Variants in PPM1H observed in about 807,000 individuals in gnomAD.
PPM1H encodes protein phosphatase 1H.
In PPM1H, 27 loss-of-function variants were observed where a neutral mutation model predicts 54.9. The ratio of observed to expected loss-of-function variants is 0.49; its 90% CI spans 0.36 to 0.68. The LOEUF (loss-of-function observed/expected upper bound fraction) is 0.68. Ranked by LOEUF, PPM1H falls within the 30% of genes least tolerant of loss-of-function variation. PPM1H has a pLI of 0.00. For missense variants in PPM1H, 596 were observed against 667.8 expected, an observed-to-expected ratio of 0.89 and a Z score of 1.19; for synonymous variants, 305 against 270.8, an observed-to-expected ratio of 1.13 and a Z score of -1.24.
intron 2 of PPM1H, among the ~76,000 whole-genome samples, chr12:62,817,152 T>C (rs77269945): frequency 1.5e-3 from 94 of 62,974 alleles, no homozygotes; most frequent in Admixed American, 2.2e-3. Context: ...AAAAAAAAAC[T>C]AAAAAAAAGA....
In PPM1H at chr12:62,881,797, T is replaced by G. The variant is rs370587450; in HGVS notation, c.246-49518A>C. Among the ~76,000 whole-genome samples, 76 of 152,298 alleles carry G rather than the reference T, an allele frequency of 5.0e-4. No individual in the cohort carries two copies. The East Asian group carries it at 5.4e-3, about 11-fold the overall frequency. ...TCCAGAAACAGGGTCAATGCCTTAG[T>G]TCCAGCTGCCATCGCTTGCTTGGCA... On this transcript the variant is annotated intron_variant, in intron 1 of 9. Transcript: ENST00000228705.
At chr12:62,666,242 TA>T (rs1361584430) in intron 9 of PPM1H, among the ~76,000 whole-genome samples, 1 of 152,152 alleles carries the variant, frequency 6.6e-6, no homozygotes, top group Non-Finnish European at 1.5e-5. Context: ...TATGCCCAGC[TA>T]AAAATATTTA....
chr12:62,912,871 T>G (rs1424873602), intron 1 of PPM1H, among the ~76,000 whole-genome samples: 1 of 152,214 alleles, frequency 6.6e-6, no homozygotes, highest in African/African-American at 2.4e-5. Context: ...CTCAGCATTA[T>G]CCAACTGCTT....
chr12:62,669,292 C>T (rs1279544242), intron 8 of PPM1H, among the ~76,000 whole-genome samples: 1 of 152,246 alleles, frequency 6.6e-6, no homozygotes, highest in African/African-American at 2.4e-5. Context: ...ACAAGCAACC[C>T]TCCTATGCTT....
At chr12:62,773,146 C>CA (rs1436156522) in intron 4 of PPM1H, among the ~76,000 whole-genome samples, 1 of 148,850 alleles carries the variant, frequency 6.7e-6, no homozygotes, top group South Asian at 2.1e-4. Flanking sequence ...GACTCCGTCT[C>CA]AAAAAAACAA....
chr12:62,744,402 C>A (rs1353989699), intron 4 of PPM1H, among the ~76,000 whole-genome samples: 1 of 148,844 alleles, frequency 6.7e-6, no homozygotes, highest in Non-Finnish European at 1.5e-5. Flanking sequence ...ACCCAGGAGG[C>A]ACAGGTTGCA....
rs2075778290 is a variant in PPM1H, at chr12:62,645,165, C to T, written c.*3324G>A. 1 of 152,140 alleles carries T rather than the reference C, an allele frequency of 6.6e-6. No homozygotes were observed. Among genetic ancestry groups the T allele is most frequent in the South Asian group, 2.1e-4 (1 of 4,824 alleles). 9.4% of individuals were successfully genotyped at this position (152,140 alleles called of 1,614,324 possible). On this transcript the variant is annotated 3_prime_UTR_variant, in exon 10 of 10. Transcript: ENST00000228705. ...TGCTCTTGTTAAATGGAAAACCCTT[C>T]CTGAATGGGGAAGATCTGAGGCTAA...
intron 4 of PPM1H, among the ~76,000 whole-genome samples, chr12:62,763,728 G>C (rs2076524291): frequency 6.6e-6 from 1 of 152,188 alleles, no homozygotes; most frequent in Non-Finnish European, 1.5e-5. Context: ...AGAAATTGTT[G>C]AGCTTAGAAA....
chr12:62,748,338 T>C (rs1245444771), intron 4 of PPM1H, among the ~76,000 whole-genome samples: 1 of 152,158 alleles, frequency 6.6e-6, no homozygotes, highest in African/African-American at 2.4e-5. Flanking sequence ...TCACTTCACT[T>C]TGTTATACCT....
intron 7 of PPM1H, among the ~76,000 whole-genome samples, chr12:62,690,486 G>A (rs2076076708): frequency 6.6e-6 from 1 of 152,056 alleles, no homozygotes; most frequent in Non-Finnish European, 1.5e-5. Context: ...GAGGCCTCAG[G>A]GCTGAGACCT....
In PPM1H at chr12:62,801,950, G is replaced by A. The variant is rs758947327; in HGVS notation, c.622C>T (p.Arg208Trp). ...ACCCCTCCGCGCAGGGAGGCTGCCC[G>A]GGTCAGAGTCCGGCTGTTGGCGGGC... is the stretch of plus-strand genomic sequence containing the variant. ...NTPANSRTLT[R>W]AASLRGGVGA... The change falls in exon 3 of 10, where the codon CGG becomes TGG. Residue 208 changes from arginine (R) to tryptophan (W), a missense_variant. By Grantham distance (101) the Arg-to-Trp change is moderately radical (BLOSUM62 -3). Coordinates refer to ENST00000228705, the MANE Select transcript of PPM1H (RefSeq NM_020700.2). The A allele has an allele frequency of 5.6e-6, 9 of 1,612,640 alleles. No individual in the cohort carries two copies. Among genetic ancestry groups the A allele is most frequent in the African/African-American group, 1.3e-5 (1 of 75,030 alleles).
At chr12:62,724,477 G>A (rs342162) in intron 5 of PPM1H, among the ~76,000 whole-genome samples, 4,799 of 152,244 alleles carry the variant, frequency 0.032, 267 homozygotes, top group African/African-American at 0.11. Flanking sequence ...TGAGGCAGAT[G>A]TCTGTGGGTT....
intron 2 of PPM1H, among the ~76,000 whole-genome samples, chr12:62,819,274 C>T (rs1022534247): frequency 5.9e-5 from 9 of 151,650 alleles, no homozygotes; most frequent in East Asian, 5.8e-4. Flanking sequence ...GCATTACAGG[C>T]GCCTGCCACT....
chr12:62,665,296 G>C (rs1447635394), intron 9 of PPM1H, among the ~76,000 whole-genome samples: 1 of 152,030 alleles, frequency 6.6e-6, no homozygotes, highest in Non-Finnish European at 1.5e-5. Flanking sequence ...TGATCTGCCC[G>C]CCTCCACCTC....
chr12:62,790,177 C>T (rs549049360), intron 3 of PPM1H, among the ~76,000 whole-genome samples: 9 of 152,164 alleles, frequency 5.9e-5, no homozygotes, highest in Non-Finnish European at 1.0e-4. Flanking sequence ...CATTTACCAG[C>T]AACTGCTTTG....
intron 1 of PPM1H, among the ~76,000 whole-genome samples, chr12:62,906,179 A>G (rs897039555): frequency 6.6e-6 from 1 of 152,214 alleles, no homozygotes; most frequent in Middle Eastern, 3.2e-3. Context: ...TAATTGTGGA[A>G]ATGTACTAGT....
chr12:62,822,197 A>C (rs893302847), intron 2 of PPM1H, among the ~76,000 whole-genome samples: 4 of 152,108 alleles, frequency 2.6e-5, no homozygotes, highest in African/African-American at 9.7e-5. Context: ...ATTCAACAAG[A>C]AGAGCTAACT....
intron 2 of PPM1H, among the ~76,000 whole-genome samples, chr12:62,816,545 C>A (rs1592613902): frequency 6.6e-6 from 1 of 152,072 alleles, no homozygotes; most frequent in East Asian, 1.9e-4. Context: ...GGTCTCATTC[C>A]CAAGATATCT....
chr12:62,725,848 G>C (rs560198386), intron 5 of PPM1H, among the ~76,000 whole-genome samples: 27 of 152,034 alleles, frequency 1.8e-4, no homozygotes, highest in African/African-American at 5.8e-4. Flanking sequence ...AAAAAACAAA[G>C]ACGTGTCTTA....
Sources: gnomAD v4.1 joint callset for allele counts (sites outside exome capture counted in the v4.1 genomes callset) on GRCh38, gnomAD v4.1.1 for gene constraint, MANE v1.5 for transcripts, NCBI Gene and HGNC (gene_info 2026-07-23, HGNC 2026-07-21) for gene names.